The following SMYD2 variants were observed in gnomAD, a reference collection of about 807,000 sequenced individuals.
SMYD2 encodes the protein N-lysine methyltransferase SMYD2.
A neutral mutation model predicts 59.1 loss-of-function variants in SMYD2; 53 were observed. The ratio of observed to expected loss-of-function variants is 0.90; its 90% CI spans 0.72 to 1.13. SMYD2 has a LOEUF of 1.13. SMYD2 is among the 50% of genes most tolerant of loss of function. The pLI is 0.00. For synonymous variants in SMYD2, 208 were observed against 198.8 expected, an observed-to-expected ratio of 1.05 and a Z score of -0.39; for missense variants, 494 against 544.7, an observed-to-expected ratio of 0.91 and a Z score of 0.93.
At chr1:214,326,237 CAAAA>C (rs35269144) in intron 6 of SMYD2, among the ~76,000 whole-genome samples, 4 of 90,750 alleles carry the variant, frequency 4.4e-5, no homozygotes, top group Non-Finnish European at 4.4e-5. Context: ...GACTCCATCT[CAAAA>C]AAAAAAAAAA....
intron 6 of SMYD2, 141 bp downstream of exon 6, chr1:214,324,849 C>T: frequency 2.8e-6 from 2 of 723,444 alleles, no homozygotes; most frequent in African/African-American, 1.8e-5. Flanking sequence ...TTTAATCTGC[C>T]AGATTTCAAA....
At chr1:214,305,010 C>T (rs1220027341) in intron 1 of SMYD2, among the ~76,000 whole-genome samples, 177 bp from the exon 2 acceptor site, 1 of 152,110 alleles carries the variant, frequency 6.6e-6, no homozygotes. Flanking sequence ...TCACTCACTC[C>T]TCAAGGGCTG....
rs576442951 is a variant in SMYD2 at position 214,330,160 on chromosome 1, C to T, written c.706-8C>T. 2 of 1,578,120 alleles carry T rather than the reference C, an allele frequency of 1.3e-6. No individual in the cohort carries two copies. Among genetic ancestry groups the T allele is most frequent in the Non-Finnish European group, 1.7e-6 (2 of 1,153,520 alleles). On this transcript the variant is annotated splice_polypyrimidine_tract_variant and splice_region_variant and intron_variant, in intron 7 of 11. Coordinates refer to ENST00000366957, the MANE Select transcript of SMYD2 (RefSeq NM_020197.3). The stretch of plus-strand genomic sequence containing the variant: ...CAGACTGAAGCTTTATCTTTTTGGA[C>T]CCCGTAGGTTTTTACCAGCTATATT...
chr1:214,299,214 T>C (rs1656780781), intron 1 of SMYD2, among the ~76,000 whole-genome samples: 1 of 152,140 alleles, frequency 6.6e-6, no homozygotes, highest in Non-Finnish European at 1.5e-5. Context: ...AAAGGAACGC[T>C]TATACACTGT....
chr1:214,303,758 A>G (rs1039678452), intron 1 of SMYD2, among the ~76,000 whole-genome samples: 5 of 152,170 alleles, frequency 3.3e-5, no homozygotes, highest in Non-Finnish European at 7.4e-5. Context: ...GACAATATGT[A>G]TATCCGTATT....
At position 214,281,345 on chromosome 1, in the gene SMYD2, G is replaced by A; in HGVS notation, c.91G>A (p.Asp31Asn). 1 of 1,450,146 alleles carries A rather than the reference G, an allele frequency of 6.9e-7. No homozygotes were observed. The highest frequency in any genetic ancestry group is 9.2e-7 in the Non-Finnish European group (1 of 1,092,826). 89.8% of individuals were successfully genotyped at this position (1,450,146 alleles called of 1,614,324 possible). The change falls in exon 1 of 12, where the codon GAC (aspartate) becomes AAC (asparagine). Residue 31 changes from aspartate to asparagine, a missense_variant. Physicochemically the swap from Asp to Asn is conservative, Grantham distance 23 (BLOSUM62 1). Transcript: ENST00000366957. Reference sequence around the variant, plus strand: ...GGCTCTGCAGCCCTTCCAGGTGGGGGACTTGCTGTTCTCCTGCCCGGCCTA... The same window carrying A: ...GGCTCTGCAGCCCTTCCAGGTGGGGAACTTGCTGTTCTCCTGCCCGGCCTA... ...LRALQPFQVG[D>N]LLFSCPAYAY...
intron 1 of SMYD2, among the ~76,000 whole-genome samples, chr1:214,283,714 G>C (rs1656485827): frequency 6.6e-6 from 1 of 152,174 alleles, no homozygotes; most frequent in Non-Finnish European, 1.5e-5. Context: ...TATAGGAGTA[G>C]AATTCTGGAA....
chr1:214,325,038 T>G (rs1657239600), intron 6 of SMYD2, among the ~76,000 whole-genome samples: 2 of 152,234 alleles, frequency 1.3e-5, no homozygotes, highest in African/African-American at 4.8e-5. Context: ...ATCTTTCCAT[T>G]TCTTATGCTC....
intron 1 of SMYD2, among the ~76,000 whole-genome samples, chr1:214,292,438 G>A (rs887726521): frequency 6.6e-6 from 1 of 151,996 alleles, no homozygotes; most frequent in Non-Finnish European, 1.5e-5. Flanking sequence ...AGTTCCCTTC[G>A]TCTTTGCTCC....
intron 1 of SMYD2, among the ~76,000 whole-genome samples, chr1:214,299,751 C>T (rs904764925): frequency 3.9e-5 from 6 of 152,086 alleles, no homozygotes; most frequent in South Asian, 2.1e-4. Context: ...AGACTACAGG[C>T]GCCCGCCACC....
chr1:214,303,313 A>G (rs1320157730), intron 1 of SMYD2, among the ~76,000 whole-genome samples: 1 of 152,126 alleles, frequency 6.6e-6, no homozygotes, highest in East Asian at 1.9e-4. Context: ...ATTTCTGCAC[A>G]GTGCACATCA....
In SMYD2 at chr1:214,294,983, A is replaced by G. The variant is rs1656700104; in HGVS notation, c.174-10204A>G. Among the ~76,000 whole-genome samples, 4 of 152,202 alleles carry G rather than the reference A, an allele frequency of 2.6e-5. No homozygotes were observed. The South Asian group carries it at 8.3e-4, about 32-fold the overall frequency. ...AACAGCAAGCATAGGGGAATCTAATAATATTGGTATTCATTACAAAGTACT... is the reference window on the plus strand; with the variant it reads ...AACAGCAAGCATAGGGGAATCTAATGATATTGGTATTCATTACAAAGTACT... On this transcript the variant is annotated intron_variant, in intron 1 of 11. Transcript: ENST00000366957.
rs767782633 is a variant in SMYD2, at chr1:214,314,886, AC to A, written c.348+15del. 2 of 1,585,572 alleles carry A rather than the reference AC, an allele frequency of 1.3e-6. No homozygotes were observed. The highest frequency in any genetic ancestry group is 1.7e-4 in the Middle Eastern group (1 of 6,006). On this transcript the variant is annotated intron_variant, in intron 3 of 11. Transcript: ENST00000366957. ...CTGGCCAAACAGGTGAGGAAATGGG[AC>A]AATGTTCAAGTGCATTTTATTTTGT...
chr1:214,316,095 A>G (rs1057387349), intron 3 of SMYD2, among the ~76,000 whole-genome samples: 3 of 152,194 alleles, frequency 2.0e-5, no homozygotes, highest in Non-Finnish European at 2.9e-5. Context: ...CTTAGAAGGC[A>G]TATGTCCAGG....
intron 1 of SMYD2, among the ~76,000 whole-genome samples, chr1:214,281,979 C>T (rs1656458176): frequency 1.3e-5 from 2 of 152,208 alleles, no homozygotes; most frequent in Non-Finnish European, 2.9e-5. Context: ...GGAGGGACGC[C>T]AGTGGGCACT....
intron 1 of SMYD2, among the ~76,000 whole-genome samples, chr1:214,285,192 T>A (rs1178425227): frequency 2.3e-5 from 1 of 43,564 alleles, no homozygotes; most frequent in African/African-American, 2.4e-4. Flanking sequence ...TATAAAGGCT[T>A]TTTTTCCTCA....
intron 7 of SMYD2, among the ~76,000 whole-genome samples, chr1:214,328,813 C>T (rs1438107719): frequency 6.6e-6 from 1 of 152,178 alleles, no homozygotes; most frequent in Non-Finnish European, 1.5e-5. Context: ...TGTCCCCTTT[C>T]GGCTGGGGTG....
intron 3 of SMYD2, among the ~76,000 whole-genome samples, chr1:214,317,569 G>A (rs1657106355): frequency 6.6e-6 from 1 of 152,158 alleles, no homozygotes; most frequent in Non-Finnish European, 1.5e-5. Flanking sequence ...AGCTCCTCTT[G>A]GGGTGTCTAG....
At chr1:214,327,834 T>A in intron 7 of SMYD2, 110 bp downstream of exon 7, 1 of 897,318 alleles carries the variant, frequency 1.1e-6, no homozygotes, top group Non-Finnish European at 1.8e-6. Context: ...TGTGAATGCC[T>A]CCAGCAGTTT....
Sources: gnomAD v4.1 joint callset for allele counts (sites outside exome capture counted in the v4.1 genomes callset) on GRCh38, gnomAD v4.1.1 for gene constraint, MANE v1.5 for transcripts, NCBI Gene and HGNC (gene_info 2026-07-23, HGNC 2026-07-21) for gene names.